DNAH8: variants seen among roughly 807,000 people sequenced by gnomAD.
The protein encoded by DNAH8 is dynein axonemal heavy chain 8, also known as axonemal beta dynein heavy chain 8.
A neutral mutation model predicts 562.1 loss-of-function variants in DNAH8; 382 were observed. That is an observed-to-expected ratio of 0.68 (90% CI 0.63 to 0.74). The LOEUF (loss-of-function observed/expected upper bound fraction) is 0.74, where lower values mean the gene tolerates loss of function less well. Among genes scored for constraint, DNAH8 ranks in the 30% least tolerant of loss-of-function variants. The pLI is 0.00. For missense variants in DNAH8, 5,203 were observed against 5,620.4 expected (o/e 0.93, Z 2.37); for synonymous variants, 1,881 against 1,919.4 (o/e 0.98, Z 0.52).
rs749389050 is a variant in DNAH8, at chr6:38,890,632, C to G, written c.8474-20C>G. On this transcript the variant is annotated intron_variant, in intron 57 of 92. Transcript: ENST00000327475. ...AAATCTTTTGGTAAGCTTATACCTT[C>G]AATCTTGCTTATCTTTCAGGAATTA... 27 of 1,531,584 alleles carry G rather than the reference C, an allele frequency of 1.8e-5. No individual in the cohort carries two copies. In the Admixed American group the frequency reaches 4.5e-4, roughly 26 times the overall value. 94.9% of individuals were successfully genotyped at this position (1,531,584 alleles called of 1,614,324 possible).
At chr6:38,798,434 A>G (rs1770489400) in intron 21 of DNAH8, among the ~76,000 whole-genome samples, 1 of 152,250 alleles carries the variant, frequency 6.6e-6, no homozygotes, top group African/African-American at 2.4e-5. Flanking sequence ...CTCAAGGAGT[A>G]GCGAGTCTTC....
At chr6:38,906,473 G>T in intron 63 of DNAH8, 66 bp downstream of exon 63, 1 of 1,276,490 alleles carries the variant, frequency 7.8e-7, no homozygotes, top group Non-Finnish European at 1.0e-6. Context: ...AATAGAAAAA[G>T]CAGCAACCTT....
At chr6:38,801,130 G>A (rs1390310812) in intron 21 of DNAH8, among the ~76,000 whole-genome samples, 2 of 152,052 alleles carry the variant, frequency 1.3e-5, no homozygotes, top group Admixed American at 6.5e-5. Flanking sequence ...GTAATCCAAG[G>A]TCATGAAGAT....
At chr6:38,758,535 G>A (rs998536272) in intron 10 of DNAH8, among the ~76,000 whole-genome samples, 33 of 152,002 alleles carry the variant, frequency 2.2e-4, no homozygotes, top group African/African-American at 7.2e-4. Flanking sequence ...TCTCCTGCCC[G>A]ATTGCCCTGG....
chr6:38,757,526 T>G (rs1766037445), intron 10 of DNAH8, among the ~76,000 whole-genome samples: 1 of 152,228 alleles, frequency 6.6e-6, no homozygotes, highest in Non-Finnish European at 1.5e-5. Flanking sequence ...TTTAGTTCAA[T>G]TAGATCCCAT....
chr6:38,968,818 C>G (rs1040617503), intron 82 of DNAH8, among the ~76,000 whole-genome samples: 2 of 152,068 alleles, frequency 1.3e-5, no homozygotes, highest in African/African-American at 2.4e-5. Flanking sequence ...ATACATCCAC[C>G]CAAAAACTTG....
intron 89 of DNAH8, among the ~76,000 whole-genome samples, chr6:39,011,058 C>T (rs758987560): frequency 3.3e-5 from 5 of 152,196 alleles, no homozygotes; most frequent in South Asian, 2.1e-4. Context: ...TTGCTCCACC[C>T]GCATAGGTAG....
chr6:38,720,564 CAA>C (rs945244987), intron 1 of DNAH8, among the ~76,000 whole-genome samples: 24 of 152,090 alleles, frequency 1.6e-4, no homozygotes, highest in African/African-American at 5.3e-4. Flanking sequence ...TAGTGAAAAA[CAA>C]AAGAAAATCT....
At chr6:38,819,246 C>T (rs1583091000) in intron 26 of DNAH8, among the ~76,000 whole-genome samples, 2 of 152,150 alleles carry the variant, frequency 1.3e-5, no homozygotes. Context: ...TAGGGATAAA[C>T]ATGTTGGTTT....
Position 38,884,800 on chromosome 6 carries a change from CTG to C in DNAH8, c.8259+805_8259+806del, listed in dbSNP as rs1005286345. Among the ~76,000 whole-genome samples the C allele has an allele frequency of 1.2e-4, 19 of 152,288 alleles. 1 individual carries two copies. The South Asian group carries it at 3.3e-3, about 27-fold the overall frequency. ...AACAACTATTTATTTATTTATTTAA[CTG>C]TGCCACACACCGTGGTTCTAGTTGT... On this transcript the variant is annotated intron_variant, in intron 56 of 92. Transcript: ENST00000327475.
chr6:38,853,422 A>G lies in DNAH8; in HGVS notation c.5733+75A>G, dbSNP rs76396548. 18,232 of 1,508,630 alleles carry G rather than the reference A, an allele frequency of 0.012. 864 individuals are homozygous for G. In the East Asian group the frequency reaches 0.13, roughly 11 times the overall value. The allele number at this position is 1,508,630 out of a possible 1,614,324, so 93.5% of individuals were successfully genotyped here. ...GGGAAGGATGCTTAGCAGGTGGTTG[A>G]CCTGATGGTGTGAGGCAATTGTAGC... On this transcript the variant is annotated intron_variant, in intron 41 of 92. Coordinates refer to ENST00000327475, the MANE Select transcript of DNAH8 (RefSeq NM_001206927.2).
Position 39,012,374 on chromosome 6 carries a change from T to C in DNAH8, c.13524+7T>C. 1 of 1,610,380 alleles carries C rather than the reference T, an allele frequency of 6.2e-7. No individual in the cohort carries two copies. Among genetic ancestry groups the C allele is most frequent in the Non-Finnish European group, 8.5e-7 (1 of 1,177,156 alleles). ...AACAATCATTATGAGTGAGGTGAGC[T>C]GTTATTACATCAGTAGGCATTTCCT... On this transcript the variant is annotated splice_region_variant and intron_variant, in intron 90 of 92. Transcript: ENST00000327475.
intron 48 of DNAH8, among the ~76,000 whole-genome samples, chr6:38,869,561 C>T (rs1777306607): frequency 6.6e-6 from 1 of 152,180 alleles, no homozygotes; most frequent in African/African-American, 2.4e-5. Context: ...GCATTAAAGA[C>T]ATTGCAAGCA....
chr6:38,896,277 A>T (rs752621250), intron 60 of DNAH8, 52 bp downstream of exon 60: 1 of 1,436,116 alleles, frequency 7.0e-7, no homozygotes, highest in Non-Finnish European at 9.7e-7. Flanking sequence ...ACCTGACTAG[A>T]TCTTTCTCTC....
intron 70 of DNAH8, among the ~76,000 whole-genome samples, chr6:38,920,783 A>T (rs1248327451): frequency 1.3e-5 from 2 of 152,198 alleles, no homozygotes; most frequent in East Asian, 3.8e-4. Context: ...CCAATTACCT[A>T]CTTCCTAACA....
rs145731931 is a variant in DNAH8, at chr6:38,814,178, A to G, written c.3333+49A>G. The G allele has an allele frequency of 4.1e-3, 4,542 of 1,096,312 alleles. 21 individuals are homozygous for G. The highest frequency in any genetic ancestry group is 5.0e-3 in the Non-Finnish European group (3,578 of 720,950). 67.9% of individuals were successfully genotyped at this position (1,096,312 alleles called of 1,614,324 possible). On this transcript the variant is annotated intron_variant, in intron 25 of 92. Coordinates refer to ENST00000327475, the MANE Select transcript of DNAH8 (RefSeq NM_001206927.2). ...TAATTTGATAAGGTGCTTAAGAAGTATAGTACTAGAACTGAGCTTTCATTT... is the reference window on the plus strand; with the variant it reads ...TAATTTGATAAGGTGCTTAAGAAGTGTAGTACTAGAACTGAGCTTTCATTT...
At chr6:38,933,262 A>G (rs1782696994) in intron 76 of DNAH8, among the ~76,000 whole-genome samples, 1 of 151,774 alleles carries the variant, frequency 6.6e-6, no homozygotes, top group Non-Finnish European at 1.5e-5. Flanking sequence ...CCCCACACCC[A>G]CTCTTCTTAT....
In DNAH8 at chr6:38,835,318, C is replaced by CAAA. The variant is rs35817690; in HGVS notation, c.4365+691_4365+693dup. Among the ~76,000 whole-genome samples, 19 of 134,286 alleles carry CAAA rather than the reference C, an allele frequency of 1.4e-4. No homozygotes were observed. In the East Asian group the frequency reaches 1.4e-3, roughly 10 times the overall value. The allele number at this position is 134,286 out of a possible 152,430, so 88.1% of individuals were successfully genotyped here. ...CTTTCCCACCTGCATTCTTAGTAAT[C>CAAA]AAAAAAAAAAAAAAAAGATCAGATG... On this transcript the variant is annotated intron_variant, in intron 32 of 92. Coordinates refer to ENST00000327475, the MANE Select transcript of DNAH8 (RefSeq NM_001206927.2).
chr6:38,973,627 C>T, intron 83 of DNAH8, 34 bp from the exon 84 acceptor site: 1 of 1,513,968 alleles, frequency 6.6e-7, no homozygotes, highest in Middle Eastern at 1.8e-4. Flanking sequence ...AAAAAGGTTA[C>T]AAGAAATAAA....
Sources: gnomAD v4.1 joint callset for allele counts (sites outside exome capture counted in the v4.1 genomes callset) on GRCh38, gnomAD v4.1.1 for gene constraint, MANE v1.5 for transcripts, NCBI Gene and HGNC (gene_info 2026-07-23, HGNC 2026-07-21) for gene names.